Variants in GSE1 observed in about 807,000 individuals in gnomAD.
The protein encoded by GSE1 is Gse1 coiled-coil protein, also known as genetic suppressor element 1.
In GSE1, 32 loss-of-function variants were observed where a neutral mutation model predicts 112.6. The observed-to-expected ratio is 0.28, with a 90% confidence interval of 0.21 to 0.38. GSE1 has a LOEUF of 0.38. Ranked by LOEUF, GSE1 falls within the 10% of genes least tolerant of loss-of-function variation. The probability of loss-of-function intolerance (pLI) is 1.00; values close to 1 mark genes in which losing one functional copy is unlikely to be tolerated. For synonymous variants in GSE1, 1,115 were observed against 735.6 expected, an observed-to-expected ratio of 1.52 and a Z score of -8.35; for missense variants, 2,348 against 1,699.2, an observed-to-expected ratio of 1.38 and a Z score of -6.71.
At chr16:85,314,340 C>T (rs777893377) in intron 1 of GSE1, among the ~76,000 whole-genome samples, 129 of 152,264 alleles carry the variant, frequency 8.5e-4, no homozygotes, top group Middle Eastern at 3.4e-3. Context: ...CTTGAGTCTG[C>T]GCTGGGTGCC....
At chr16:85,198,643 C>T (rs4494523) in intron 1 of GSE1, among the ~76,000 whole-genome samples, 17,221 of 143,614 alleles carry the variant, frequency 0.12, 1,054 homozygotes, top group Middle Eastern at 0.15. Flanking sequence ...CTGGATGCCA[C>T]GGTTCTTTCT....
rs922215073 is a variant in GSE1 at position 85,263,065 on chromosome 16, G to A, written c.2283+91258G>A. 6.6e-5 allele frequency among the ~76,000 whole-genome samples: 10 copies of A among 152,260 alleles called. No individual in the cohort carries two copies. In the East Asian group the frequency reaches 7.7e-4, roughly 12 times the overall value. On this transcript the variant is annotated intron_variant, in intron 1 of 2. Transcript: ENST00000637419. ...TCGCGGGAGGGCGGGGGCCGGGCTC[G>A]CTTACAGCACTCCTGACAGCTAATT...
intron 1 of GSE1, among the ~76,000 whole-genome samples, chr16:85,210,664 A>G (rs1355081523): frequency 6.6e-6 from 1 of 152,104 alleles, no homozygotes; most frequent in Non-Finnish European, 1.5e-5. Flanking sequence ...TCCTGATTCC[A>G]GCCTTAAAGA....
At chr16:85,667,931 G>A (rs190036439) in intron 13 of GSE1, among the ~76,000 whole-genome samples, 1 of 147,396 alleles carries the variant, frequency 6.8e-6, no homozygotes, top group African/African-American at 2.5e-5. Flanking sequence ...TAGCACTCAG[G>A]GCTGCGTTGT....
At chr16:85,425,208 G>C (rs12922645) in intron 2 of GSE1, among the ~76,000 whole-genome samples, 1 of 152,174 alleles carries the variant, frequency 6.6e-6, no homozygotes, top group Non-Finnish European at 1.5e-5. Flanking sequence ...GGCCAGCCAC[G>C]ATAGAAGCTG....
rs973589682 is a variant in GSE1 at position 85,373,308 on chromosome 16, C to T, written c.2464+15665C>T. ...CCTCCACCCCTTTGTCTCAAACAGCCAGGCTGTTGGGGTGCCTTCTCTGAT... is the reference window on the plus strand; with the variant it reads ...CCTCCACCCCTTTGTCTCAAACAGCTAGGCTGTTGGGGTGCCTTCTCTGAT... On this transcript the variant is annotated intron_variant, in intron 2 of 2. Coordinates refer to the GSE1 transcript ENST00000637419. This position sits in a 1 kb window ranked among gnomAD's most constrained non-coding sequence, Gnocchi z 5.1. Among the ~76,000 whole-genome samples the T allele has an allele frequency of 6.6e-6, 1 of 152,250 alleles. No individual in the cohort carries two copies. The highest frequency in any genetic ancestry group is 1.5e-5 in the Non-Finnish European group (1 of 68,032).
chr16:85,453,517 T>G (rs1372065100), intron 2 of GSE1, among the ~76,000 whole-genome samples: 3 of 151,558 alleles, frequency 2.0e-5, no homozygotes, highest in Non-Finnish European at 4.4e-5. Context: ...CAGGAGGAGG[T>G]CGGTGGGTGG....
chr16:85,584,535 C>T (rs920594410), intron 1 of GSE1, among the ~76,000 whole-genome samples: 10 of 152,234 alleles, frequency 6.6e-5, no homozygotes, highest in South Asian at 6.2e-4. Context: ...GCTTTGAGAA[C>T]GCCTGCGAAG....
intron 8 of GSE1, among the ~76,000 whole-genome samples, chr16:85,658,337 C>T (rs78214639): frequency 0.03 from 4,505 of 152,294 alleles, 207 homozygotes; most frequent in African/African-American, 0.1. Flanking sequence ...TAGCTCTGCT[C>T]CAGGCCCAGC....
intron 2 of GSE1, among the ~76,000 whole-genome samples, chr16:85,449,996 TC>T (rs1205782793): frequency 6.6e-6 from 1 of 152,170 alleles, no homozygotes; most frequent in Non-Finnish European, 1.5e-5. Flanking sequence ...CCAGTGGCCT[TC>T]TGTCTTCAGC....
In GSE1 at chr16:85,373,200, G is replaced by A. The variant is rs1487459615; in HGVS notation, c.2464+15557G>A. On this transcript the variant is annotated intron_variant, in intron 2 of 2. Coordinates refer to the GSE1 transcript ENST00000637419. This position sits in a 1 kb window ranked among gnomAD's most constrained non-coding sequence, Gnocchi z 5.1. ...TTGTCCACCAGGGTGGGTGCCAGGC[G>A]CCTGGTAGCAGGCCCAGCTGCCTCG... Among the ~76,000 whole-genome samples, 16 of 152,312 alleles carry A rather than the reference G, an allele frequency of 1.1e-4. No homozygotes were observed. The East Asian group carries it at 2.7e-3, about 26-fold the overall frequency.
At chr16:85,338,632 T>G (rs139163880) in intron 1 of GSE1, among the ~76,000 whole-genome samples, 1 of 152,290 alleles carries the variant, frequency 6.6e-6, no homozygotes, top group East Asian at 1.9e-4. Flanking sequence ...GGAAATAAAA[T>G]CAGCTAGGTT....
intron 2 of GSE1, among the ~76,000 whole-genome samples, chr16:85,443,072 T>A (rs2049419466): frequency 6.6e-6 from 1 of 152,216 alleles, no homozygotes; most frequent in African/African-American, 2.4e-5. Flanking sequence ...TGGCATGGTC[T>A]CATCTGAGAT....
At chr16:85,463,313 G>C (rs1310572498) in intron 2 of GSE1, among the ~76,000 whole-genome samples, 3 of 152,334 alleles carry the variant, frequency 2.0e-5, no homozygotes, top group Admixed American at 2.0e-4. Context: ...CAACTCAGAA[G>C]AGAAGCCCTG....
chr16:85,294,596 A>ACAGTT (rs1477756932), intron 1 of GSE1, among the ~76,000 whole-genome samples: 2 of 142,300 alleles, frequency 1.4e-5, no homozygotes. Flanking sequence ...GCCTTCCTGG[A>ACAGTT]TCTTGCCAGC....
At chr16:85,550,178 G>T (rs909949265) in intron 2 of GSE1, among the ~76,000 whole-genome samples, 7 of 152,164 alleles carry the variant, frequency 4.6e-5, no homozygotes, top group Non-Finnish European at 8.8e-5. Flanking sequence ...CACACAGAGG[G>T]TGGGGGCGAG....
At chr16:85,636,243 T>C (rs2151768713) in intron 2 of GSE1, among the ~76,000 whole-genome samples, 1 of 152,238 alleles carries the variant, frequency 6.6e-6, no homozygotes, top group South Asian at 2.1e-4. Flanking sequence ...GGGCGAGCAG[T>C]GCCACTGCCT....
intron 1 of GSE1, among the ~76,000 whole-genome samples, chr16:85,323,289 G>C (rs1406593504): frequency 6.6e-6 from 1 of 152,190 alleles, no homozygotes; most frequent in Non-Finnish European, 1.5e-5. Context: ...GACATTTCCA[G>C]AACCTTCTGA....
At chr16:85,369,186 C>T (rs1294213625) in intron 2 of GSE1, among the ~76,000 whole-genome samples, 3 of 151,404 alleles carry the variant, frequency 2.0e-5, no homozygotes, top group Non-Finnish European at 1.5e-5. Flanking sequence ...TTCTAGGGGC[C>T]GTTTCATCTC....
Sources: allele counts gnomAD v4.1 joint callset (sites outside exome capture counted in the v4.1 genomes callset), GRCh38; gene constraint gnomAD v4.1.1; non-coding constraint Gnocchi (gnomAD v3.1); transcripts MANE v1.5; gene names NCBI Gene and HGNC (gene_info 2026-07-23, HGNC 2026-07-21).